The following GAPDH variants were observed in gnomAD, a reference collection of about 807,000 sequenced individuals.
The protein encoded by GAPDH is glyceraldehyde-3-phosphate dehydrogenase, also known as OCAS, p38 component.
GAPDH carries 13 observed loss-of-function variants against 31.2 expected under a neutral mutation model. That is an observed-to-expected ratio of 0.42 (90% CI 0.27 to 0.66). The LOEUF is 0.66. Among genes scored for constraint, GAPDH ranks in the 30% least tolerant of loss-of-function variants. The pLI is 0.26. For missense variants in GAPDH, 300 were observed against 443.7 expected, an observed-to-expected ratio of 0.68 and a Z score of 2.91; for synonymous variants, 211 against 166.9, an observed-to-expected ratio of 1.26 and a Z score of -2.04.
intron 1 of GAPDH, 43 bp from the exon 2 acceptor site, chr12:6,534,766 CG>C: frequency 6.4e-7 from 1 of 1,555,332 alleles, no homozygotes; most frequent in Admixed American, 1.7e-5. Flanking sequence ...GCGTGTGTGT[CG>C]GCCGGGGCCA....
intron 2 of GAPDH, chr12:6,535,593 C>A: frequency 2.7e-6 from 1 of 364,098 alleles, no homozygotes; most frequent in Non-Finnish European, 3.8e-6. Context: ...AGGACATTTC[C>A]ACCGCAAAAT....
At chr12:6,538,037 G>T in intron 8 of GAPDH, 41 bp downstream of exon 8, 2 of 1,597,378 alleles carry the variant, frequency 1.3e-6, no homozygotes, top group African/African-American at 2.7e-5. Context: ...AAAAAGTGCA[G>T]GGTCTGGCGC....
chr12:6,534,919 C>A (rs45505494), intron 2 of GAPDH, 58 bp downstream of exon 2: 2 of 1,581,508 alleles, frequency 1.3e-6, no homozygotes, highest in African/African-American at 1.3e-5. Flanking sequence ...ACCGCGTCTA[C>A]GAGCCTTGCG....
At chr12:6,534,604 G>T (rs1946415906) in intron 1 of GAPDH, 35 bp downstream of exon 1, 2 of 579,346 alleles carry the variant, frequency 3.5e-6, no homozygotes, top group Non-Finnish European at 6.0e-6. Flanking sequence ...GGGAGGCTAG[G>T]GACGGCCTGA....
At chr12:6,535,347 C>G (rs546089586) in intron 2 of GAPDH, 4 of 992,762 alleles carry the variant, frequency 4.0e-6, no homozygotes, top group African/African-American at 1.7e-5. Context: ...GAAAGCCTGC[C>G]GGTGACTAAC....
chr12:6,536,903 C>T lies in GAPDH; in HGVS notation c.237-17C>T, dbSNP rs750273368. 4.5e-6 allele frequency: 7 copies of T among 1,553,568 alleles called. No homozygotes were observed. The highest frequency in any genetic ancestry group is 1.4e-5 in the African/African-American group (1 of 73,566). On this transcript the variant is annotated splice_polypyrimidine_tract_variant and intron_variant, in intron 4 of 8. Transcript: ENST00000229239. ...CCTCAATATGGTCCTGTCCCCATCT[C>T]CCCCCCACCCCCATAGGCGAGATCC...
At position 6,537,412 on chromosome 12, in the gene GAPDH, A is replaced by C. The variant is rs751811965; in HGVS notation, c.525+22A>C. The C allele has an allele frequency of 6.2e-7, 1 of 1,602,622 alleles. No homozygotes were observed. The highest frequency in any genetic ancestry group is 8.5e-7 in the Non-Finnish European group (1 of 1,173,154). On this transcript the variant is annotated intron_variant, in intron 7 of 8. Transcript: ENST00000229239. The surrounding 1 kb of genome is among the most constrained non-coding windows in gnomAD (Gnocchi z 4.9). ...CATGGTATGAGAGCTGGGGAATGGG[A>C]CTGAGGCTCCCACCTTTCTCATCCA...
In GAPDH at chr12:6,534,794, C is replaced by G. The variant is rs370942649; in HGVS notation, c.-23-16C>G. 5 of 1,610,346 alleles carry G rather than the reference C, an allele frequency of 3.1e-6. No homozygotes were observed. The highest frequency in any genetic ancestry group is 1.7e-5 in the Admixed American group (1 of 59,712). ...CCGGGGCCACTAGGCGCTCACTGTT[C>G]TCTCCCTCCGCGCAGCCGAGCCACA... On this transcript the variant is annotated splice_polypyrimidine_tract_variant and intron_variant, in intron 1 of 8. Coordinates refer to ENST00000229239, the MANE Select transcript of GAPDH (RefSeq NM_002046.7).
chr12:6,537,266 A>T lies in GAPDH; in HGVS notation c.444-43A>T. ...AAGCGGCCAGCCTGGCACCCTATGG[A>T]CACGCTCCCCTGACTTGCGCCCCGC... On this transcript the variant is annotated intron_variant, in intron 6 of 8. Coordinates refer to ENST00000229239, the MANE Select transcript of GAPDH (RefSeq NM_002046.7). This position sits in a 1 kb window ranked among gnomAD's most constrained non-coding sequence, Gnocchi z 4.9. The T allele has an allele frequency of 6.3e-7, 1 of 1,597,264 alleles. No individual in the cohort carries two copies. The highest frequency in any genetic ancestry group is 8.5e-7 in the Non-Finnish European group (1 of 1,176,150).
In GAPDH at chr12:6,537,447, C is replaced by T; in HGVS notation, c.525+57C>T. The T allele has an allele frequency of 3.2e-6, 5 of 1,586,058 alleles. No individual in the cohort carries two copies. In the Admixed American group the frequency reaches 5.0e-5, roughly 16 times the overall value. On this transcript the variant is annotated intron_variant, in intron 7 of 8. Transcript: ENST00000229239. The surrounding 1 kb of genome is among the most constrained non-coding windows in gnomAD (Gnocchi z 4.9). ...CCACCTTTCTCATCCAAGACTGGCT[C>T]CTCCCTGCCGGGGCTGCGTGCAACC...
chr12:6,536,424 TG>T, intron 2 of GAPDH, 69 bp from the exon 3 acceptor site: 1 of 1,104,880 alleles, frequency 9.1e-7, no homozygotes, highest in Non-Finnish European at 1.4e-6. Context: ...AATGGGGAGG[TG>T]GCCTAGGGCT....
chr12:6,535,239 G>A, intron 2 of GAPDH: 1 of 1,079,534 alleles, frequency 9.3e-7, no homozygotes, highest in Non-Finnish European at 1.1e-6. Context: ...GCCCCGGGAT[G>A]CTAGTGCGCA....
chr12:6,537,609 C>T lies in GAPDH; in HGVS notation c.551C>T (p.Thr184Ile). ...LMTTVHAITA[T>I]QKTVDGPSGK... ...ACCACAGTCCATGCCATCACTGCCA[C>T]CCAGAAGACTGTGGATGGCCCCTCC... Residue 184 changes from threonine (T) to isoleucine (I), a missense_variant, in exon 8 of 9, where the codon ACC becomes ATC. Transcript: ENST00000229239. The surrounding 1 kb of genome is among the most constrained non-coding windows in gnomAD (Gnocchi z 4.9). 1 of 1,611,970 alleles carries T rather than the reference C, an allele frequency of 6.2e-7. No homozygotes were observed. Among genetic ancestry groups the T allele is most frequent in the Non-Finnish European group, 8.5e-7 (1 of 1,179,752 alleles).
Position 6,534,840 on chromosome 12 carries a change from A to T in GAPDH, c.8A>T (p.Lys3Met). The change falls in exon 2 of 9, where the codon AAG (lysine) becomes ATG (methionine). Residue 3 changes from lysine (K) to methionine (M), a missense_variant. By Grantham distance (95) the Lys-to-Met change is moderately conservative. Coordinates refer to ENST00000229239, the MANE Select transcript of GAPDH (RefSeq NM_002046.7). ...CCACATCGCTCAGACACCATGGGGA[A>T]GGTGAAGGTCGGAGTCAACGGGTGA... is the stretch of plus-strand genomic sequence containing the variant. MG[K>M]VKVGVNGFGR... is the part of the protein sequence containing the mutation. 6.2e-7 allele frequency: 1 copy of T among 1,613,548 alleles called. No homozygotes were observed. The highest frequency in any genetic ancestry group is 1.3e-5 in the African/African-American group (1 of 75,010).
At chr12:6,535,192 C>A in intron 2 of GAPDH, 4 of 1,098,146 alleles carry the variant, frequency 3.6e-6, no homozygotes, top group Non-Finnish European at 4.5e-6. Context: ...TCACGTGTCG[C>A]AGAGGAGCCC....
intron 2 of GAPDH, among the ~76,000 whole-genome samples, chr12:6,536,010 G>C (rs180833791): frequency 2.0e-5 from 3 of 152,308 alleles, no homozygotes; most frequent in East Asian, 3.9e-4. Context: ...ACCCGCCCCA[G>C]TCTCTGTCCC....
rs767458626 is a variant in GAPDH, at chr12:6,538,153, A to G, written c.991A>G (p.Met331Val). ...SNRVVDLMAH[M>V]ASKE ...CAGGGTGGTGGACCTCATGGCCCAC[A>G]TGGCCTCCAAGGAGTAAGACCCCTG... is the stretch of plus-strand genomic sequence containing the variant. The change falls in exon 9 of 9, where the codon ATG becomes GTG. Residue 331 changes from methionine (M) to valine (V), a missense_variant. By Grantham distance (21) the Met-to-Val change is conservative. Coordinates refer to ENST00000229239, the MANE Select transcript of GAPDH (RefSeq NM_002046.7). The G allele has an allele frequency of 1.9e-6, 3 of 1,611,146 alleles. No homozygotes were observed. The highest frequency in any genetic ancestry group is 4.5e-5 in the East Asian group (2 of 44,886).
chr12:6,537,885 A>G lies in GAPDH; in HGVS notation c.827A>G (p.Tyr276Cys). Residue 276 changes from tyrosine (Y) to cysteine (C), a missense_variant, in exon 8 of 9, where the codon TAC (tyrosine) becomes TGC (cysteine). By Grantham distance (194) the Tyr-to-Cys change is radical. Transcript: ENST00000229239. The surrounding 1 kb of genome is among the most constrained non-coding windows in gnomAD (Gnocchi z 4.9). ...GGCCCCCTCAAGGGCATCCTGGGCT[A>G]CACTGAGCACCAGGTGGTCTCCTCT... ...SEGPLKGILGYTEHQVVSSDF... is the reference protein window; with the variant it reads ...SEGPLKGILGCTEHQVVSSDF... 6.2e-7 allele frequency: 1 copy of G among 1,613,774 alleles called. No individual in the cohort carries two copies.
rs1395772107 is a variant in GAPDH at position 6,537,432 on chromosome 12, C to T, written c.525+42C>T. ...ATGGGACTGAGGCTCCCACCTTTCT[C>T]ATCCAAGACTGGCTCCTCCCTGCCG... On this transcript the variant is annotated intron_variant, in intron 7 of 8. Transcript: ENST00000229239. This position sits in a 1 kb window ranked among gnomAD's most constrained non-coding sequence, Gnocchi z 4.9. 5 of 1,592,236 alleles carry T rather than the reference C, an allele frequency of 3.1e-6. No individual in the cohort carries two copies. The highest frequency in any genetic ancestry group is 1.1e-5 in the South Asian group (1 of 90,560).
Sources: gnomAD v4.1 joint callset for allele counts (sites outside exome capture counted in the v4.1 genomes callset) on GRCh38, gnomAD v4.1.1 for gene constraint, Gnocchi (gnomAD v3.1) non-coding constraint, MANE v1.5 for transcripts, NCBI Gene and HGNC (gene_info 2026-07-23, HGNC 2026-07-21) for gene names.